Variants in TF observed in about 807,000 individuals in gnomAD.
The protein encoded by TF is serotransferrin.
TF carries 55 observed loss-of-function variants against 82.4 expected under a neutral mutation model. The observed-to-expected ratio is 0.67, with a 90% CI of 0.54 to 0.84. The LOEUF (loss-of-function observed/expected upper bound fraction) is 0.84. TF is among the 40% of genes least tolerant of loss of function. TF has a pLI of 0.00. For missense variants in TF, 737 were observed against 868.4 expected (o/e 0.85, Z 1.90); for synonymous variants, 332 against 332.6 (o/e 1.00, Z 0.02).
At chr3:133,758,724 G>C (rs745774784) in intron 8 of TF, among the ~76,000 whole-genome samples, 6 of 152,202 alleles carry the variant, frequency 3.9e-5, no homozygotes, top group Non-Finnish European at 8.8e-5. Context: ...TTATTCATCA[G>C]ACATTTATTA....
chr3:133,761,446 G>C (rs912273484), intron 9 of TF: 1 of 152,068 alleles, frequency 6.6e-6, no homozygotes, highest in Admixed American at 6.6e-5. Flanking sequence ...GATTGCTTGA[G>C]CCCAGGAGTT....
intron 14 of TF, chr3:133,775,080 C>G (rs1934352113): frequency 2.7e-6 from 1 of 365,526 alleles, no homozygotes; most frequent in Non-Finnish European, 5.3e-6. Context: ...ATCAACCTGG[C>G]TTAGAGCGTC....
At chr3:133,778,564 A>G (rs770306134) in intron 16 of TF, 22 bp from the exon 17 acceptor site, 4 of 1,611,988 alleles carry the variant, frequency 2.5e-6, no homozygotes, top group Non-Finnish European at 2.5e-6. Context: ...TGAAAATCCT[A>G]CCTCTCTGCT....
the TF span, among the ~76,000 whole-genome samples, chr3:133,728,450 T>G: frequency 1.3e-5 from 2 of 152,034 alleles, no homozygotes; most frequent in African/African-American, 2.4e-5. Context: ...TTGCATCAGC[T>G]CCTGAGGCTT....
chr3:133,725,984 G>T, the TF span, among the ~76,000 whole-genome samples: 9 of 152,182 alleles, frequency 5.9e-5, no homozygotes, highest in Admixed American at 5.2e-4. Flanking sequence ...TATTGAACCA[G>T]CCTTGCATCC....
chr3:133,709,219 G>A, the TF span, among the ~76,000 whole-genome samples: 1 of 152,158 alleles, frequency 6.6e-6, no homozygotes, highest in Non-Finnish European at 1.5e-5. Context: ...AAGAGGTGAG[G>A]GGGAAGGCAA....
Position 133,793,169 on chromosome 3 carries a change from C to T in TF, c.*14549C>T, listed in dbSNP as rs1457615053. On this transcript the variant is annotated 3_prime_UTR_variant, in exon 17 of 17. Transcript: ENST00000402696. Reference sequence around the variant, plus strand: ...CCTTTTGAATAAACTACCCCCCCACCAAAAAAAAGGAAGGGAAAGACAAGA... The same window carrying T: ...CCTTTTGAATAAACTACCCCCCCACTAAAAAAAAGGAAGGGAAAGACAAGA... 3 of 151,230 alleles carry T rather than the reference C, an allele frequency of 2.0e-5. No homozygotes were observed. Among genetic ancestry groups the T allele is most frequent in the Admixed American group, 1.3e-4 (2 of 15,196 alleles). 9.4% of individuals were successfully genotyped at this position (151,230 alleles called of 1,614,324 possible).
At chr3:133,746,338 C>A, upstream of TF, 1 of 1,414,060 alleles carries the variant, frequency 7.1e-7, no homozygotes, top group Non-Finnish European at 9.7e-7. Context: ...AAAGATTGCG[C>A]CCAGCCCGCC....
the TF span, among the ~76,000 whole-genome samples, chr3:133,722,041 G>A: frequency 5.9e-5 from 9 of 151,952 alleles, no homozygotes; most frequent in East Asian, 7.8e-4. Context: ...CACCAAGCTC[G>A]GCTAATTTTT....
chr3:133,724,638 G>A, the TF span, among the ~76,000 whole-genome samples: 2 of 152,142 alleles, frequency 1.3e-5, no homozygotes, highest in Non-Finnish European at 2.9e-5. Context: ...TTCTTTTGCT[G>A]TGCAGAAGCT....
chr3:133,758,451 G>C (rs2107918352), intron 8 of TF, among the ~76,000 whole-genome samples: 1 of 152,252 alleles, frequency 6.6e-6, no homozygotes, highest in African/African-American at 2.4e-5. Context: ...GACATAGGAT[G>C]GCATGACAAA....
At chr3:133,738,633 A>G in the TF span, among the ~76,000 whole-genome samples, 2 of 152,226 alleles carry the variant, frequency 1.3e-5, no homozygotes, top group Admixed American at 6.5e-5. Flanking sequence ...TACAAAATCA[A>G]TGTGCAAAAA....
the TF span, among the ~76,000 whole-genome samples, chr3:133,735,215 C>A: frequency 6.6e-6 from 1 of 151,928 alleles, no homozygotes; most frequent in African/African-American, 2.4e-5. Context: ...GTGGCAGGTG[C>A]CTGTAATCCC....
At chr3:133,728,503 A>G in the TF span, among the ~76,000 whole-genome samples, 3 of 152,250 alleles carry the variant, frequency 2.0e-5, no homozygotes, top group South Asian at 2.1e-4. Context: ...TTTCAGCTCC[A>G]TCAGCTCCTT....
intron 7 of TF, 104 bp from the exon 8 acceptor site, chr3:133,757,665 C>A: frequency 8.3e-7 from 1 of 1,205,472 alleles, no homozygotes; most frequent in Non-Finnish European, 1.2e-6. Context: ...GCATCTTGAA[C>A]TTTTTCATGT....
At chr3:133,678,609 C>G in the TF span, among the ~76,000 whole-genome samples, 1 of 152,130 alleles carries the variant, frequency 6.6e-6, no homozygotes, top group African/African-American at 2.4e-5. Context: ...CTCTAATGAC[C>G]AGTGATGTTG....
At chr3:133,743,117 T>A (rs1559864626), upstream of TF, among the ~76,000 whole-genome samples, 3 of 152,154 alleles carry the variant, frequency 2.0e-5, no homozygotes, top group African/African-American at 7.2e-5. Flanking sequence ...ATTTAGGAAG[T>A]TTGAGTTCAG....
chr3:133,676,517 G>A, the TF span, among the ~76,000 whole-genome samples: 8 of 152,292 alleles, frequency 5.3e-5, no homozygotes, highest in Non-Finnish European at 8.8e-5. Flanking sequence ...GTTCTGTCAC[G>A]TCTGAGGCTG....
chr3:133,769,497 A>G (rs981943276), intron 13 of TF, among the ~76,000 whole-genome samples: 4 of 152,214 alleles, frequency 2.6e-5, no homozygotes, highest in African/African-American at 9.6e-5. Flanking sequence ...CTTTTTCTAA[A>G]CATGTCTTAT....
Sources: gnomAD v4.1 joint callset for allele counts (sites outside exome capture counted in the v4.1 genomes callset) on GRCh38, gnomAD v4.1.1 for gene constraint, MANE v1.5 for transcripts, NCBI Gene and HGNC (gene_info 2026-07-23, HGNC 2026-07-21) for gene names.